The following ACVR1B variants were observed in gnomAD, a reference collection of about 807,000 sequenced individuals.
ACVR1B encodes activin A receptor type 1B.
ACVR1B carries 15 observed loss-of-function variants against 55.6 expected under a neutral mutation model. The ratio of observed to expected loss-of-function variants is 0.27; its 90% CI spans 0.18 to 0.42. ACVR1B has a LOEUF of 0.42. Ranked by LOEUF, ACVR1B falls within the 10% of genes least tolerant of loss-of-function variation. The pLI is 1.00. For missense variants in ACVR1B, 359 were observed against 670.1 expected, an observed-to-expected ratio of 0.54 and a Z score of 5.13; for synonymous variants, 247 against 254.6, an observed-to-expected ratio of 0.97 and a Z score of 0.28.
At chr12:51,964,467 T>A (rs1389439464) in intron 1 of ACVR1B, among the ~76,000 whole-genome samples, 1 of 152,256 alleles carries the variant, frequency 6.6e-6, no homozygotes, top group East Asian at 1.9e-4. Context: ...TTTTTAATTT[T>A]GATGAAGTCC....
chr12:51,975,612 C>G, intron 2 of ACVR1B, 108 bp downstream of exon 2: 1 of 1,409,046 alleles, frequency 7.1e-7, no homozygotes, highest in Non-Finnish European at 9.5e-7. Context: ...GATAAAGATG[C>G]CTTTTGGATG....
At chr12:51,977,931 T>C (rs1941899588) in intron 3 of ACVR1B, among the ~76,000 whole-genome samples, 1 of 152,024 alleles carries the variant, frequency 6.6e-6, no homozygotes, top group Non-Finnish European at 1.5e-5. Context: ...CAGAGGATCT[T>C]ATTTGTGAGA....
At chr12:51,962,261 T>C (rs1004063293) in intron 1 of ACVR1B, among the ~76,000 whole-genome samples, 2 of 152,344 alleles carry the variant, frequency 1.3e-5, no homozygotes, top group South Asian at 2.1e-4. Flanking sequence ...AAGTGTCTTA[T>C]TGTTAAATCT....
At chr12:51,991,781 C>T in intron 7 of ACVR1B, 82 bp from the exon 8 acceptor site, 1 of 1,457,524 alleles carries the variant, frequency 6.9e-7, no homozygotes, top group Non-Finnish European at 9.4e-7. Context: ...ATTTACAGAG[C>T]ACAGTGTAGG....
chr12:51,963,619 C>A (rs902526647), intron 1 of ACVR1B, among the ~76,000 whole-genome samples: 2 of 152,156 alleles, frequency 1.3e-5, no homozygotes, highest in Non-Finnish European at 2.9e-5. Context: ...TATTATAGCA[C>A]GTATCAATAG....
In ACVR1B at chr12:51,991,391, G is replaced by T. The variant is rs542258546; in HGVS notation, c.1262-472G>T. 7.2e-5 allele frequency among the ~76,000 whole-genome samples: 11 copies of T among 152,102 alleles called. No individual in the cohort carries two copies. The South Asian group carries it at 2.3e-3, about 32-fold the overall frequency. On this transcript the variant is annotated intron_variant, in intron 7 of 8. Coordinates refer to ENST00000257963, the MANE Select transcript of ACVR1B (RefSeq NM_004302.5). ...AAAAAATGTTCCTGGCTACTCTTTT[G>T]TATTTCTTTTTGTTTAGTTGTTTTG... is the stretch of plus-strand genomic sequence containing the variant.
chr12:51,980,879 A>T, intron 3 of ACVR1B, 90 bp from the exon 4 acceptor site: 2 of 1,039,838 alleles, frequency 1.9e-6, no homozygotes, highest in Non-Finnish European at 2.8e-6. Context: ...ACACCATGTT[A>T]AGGGTGTTTC....
chr12:51,951,875 G>A (rs753338862), intron 1 of ACVR1B, 41 bp downstream of exon 1: 207 of 1,191,744 alleles, frequency 1.7e-4, no homozygotes, highest in Non-Finnish European at 2.2e-4. Context: ...GATGGAGAGG[G>A]CCCGGCAAGG....
intron 1 of ACVR1B, among the ~76,000 whole-genome samples, chr12:51,964,175 C>T (rs1941594744): frequency 6.6e-6 from 1 of 152,118 alleles, no homozygotes; most frequent in Non-Finnish European, 1.5e-5. Flanking sequence ...GGTTCTTGCT[C>T]TGTCACCCAG....
chr12:51,953,632 G>A, intron 1 of ACVR1B: 1 of 692,296 alleles, frequency 1.4e-6, no homozygotes, highest in Non-Finnish European at 1.8e-6. Flanking sequence ...CTCTAGGTTT[G>A]TCATTTTATG....
In ACVR1B at chr12:51,995,605, T is replaced by A. The variant is rs1450271110; in HGVS notation, c.*1495T>A. ...GGAGGGTTTGGATTTTAACTTTTTT[T>A]AATGTTGTTAAATATTAAGTTTTTG... is the stretch of plus-strand genomic sequence containing the variant. On this transcript the variant is annotated 3_prime_UTR_variant, in exon 9 of 9. Coordinates refer to ENST00000257963, the MANE Select transcript of ACVR1B (RefSeq NM_004302.5). The A allele has an allele frequency of 1.3e-5, 2 of 152,566 alleles. No homozygotes were observed. The highest frequency in any genetic ancestry group is 2.9e-5 in the Non-Finnish European group (2 of 68,042). 9.5% of individuals were successfully genotyped at this position (152,566 alleles called of 1,614,324 possible).
intron 7 of ACVR1B, among the ~76,000 whole-genome samples, chr12:51,988,468 A>G (rs1239505545): frequency 6.6e-6 from 1 of 152,204 alleles, no homozygotes; most frequent in Non-Finnish European, 1.5e-5. Flanking sequence ...CTCCATCTCA[A>G]AGAAAAAACA....
chr12:51,987,276 A>G lies in ACVR1B; in HGVS notation c.1261+334A>G, dbSNP rs1222432639. ...GGATTCATGCAGTGGTCTCCTTCAC[A>G]TCAGAAGCAGTATATTCTAACGCGG... On this transcript the variant is annotated intron_variant, in intron 7 of 8. Coordinates refer to ENST00000257963, the MANE Select transcript of ACVR1B (RefSeq NM_004302.5). The G allele has an allele frequency of 3.4e-5, 21 of 610,174 alleles. No homozygotes were observed. The East Asian group carries it at 5.8e-4, about 17-fold the overall frequency. 37.8% of individuals were successfully genotyped at this position (610,174 alleles called of 1,614,324 possible). A position where few individuals can be genotyped will look rare whatever the true frequency, so the allele number is the denominator to read the frequency against.
At chr12:51,978,946 A>C (rs1270883592) in intron 3 of ACVR1B, among the ~76,000 whole-genome samples, 1 of 151,820 alleles carries the variant, frequency 6.6e-6, no homozygotes, top group East Asian at 1.9e-4. Context: ...GGCAGATCAC[A>C]TGAGGTCAAA....
chr12:51,986,316 T>C (rs1942075120), intron 6 of ACVR1B, among the ~76,000 whole-genome samples: 1 of 152,248 alleles, frequency 6.6e-6, no homozygotes, highest in African/African-American at 2.4e-5. Flanking sequence ...TGGAGTGCAA[T>C]GGCACAGTCA....
intron 4 of ACVR1B, among the ~76,000 whole-genome samples, chr12:51,981,521 G>A (rs1407824531): frequency 6.6e-6 from 1 of 152,028 alleles, no homozygotes; most frequent in African/African-American, 2.4e-5. Flanking sequence ...AGGGGGTCCC[G>A]TAAGCTTATT....
chr12:51,993,956 G>A (rs757967670), intron 8 of ACVR1B, 29 bp from the exon 9 acceptor site: 57 of 1,612,468 alleles, frequency 3.5e-5, no homozygotes, highest in Non-Finnish European at 4.5e-5. Context: ...GGGCATGACC[G>A]AGCTGATGGC....
rs112724539 is a variant in ACVR1B at position 51,952,805 on chromosome 12, C to T, written c.91+971C>T. ...TTATTTACCTTCCTACACGATGCCT[C>T]TTCCCAGCCCGCCCACCCTCACACA... is the stretch of plus-strand genomic sequence containing the variant. On this transcript the variant is annotated intron_variant, in intron 1 of 8. Transcript: ENST00000257963. Among the ~76,000 whole-genome samples, 454 of 150,632 alleles carry T rather than the reference C, an allele frequency of 3.0e-3. 4 individuals carry two copies. Among genetic ancestry groups the T allele is most frequent in the African/African-American group, 0.01 (418 of 40,774 alleles).
At chr12:51,967,881 A>G (rs750361618) in intron 1 of ACVR1B, among the ~76,000 whole-genome samples, 5 of 152,226 alleles carry the variant, frequency 3.3e-5, no homozygotes, top group African/African-American at 9.6e-5. Context: ...GTTAATCACT[A>G]TGTAATTATA....
Sources: gnomAD v4.1 joint callset for allele counts (sites outside exome capture counted in the v4.1 genomes callset) on GRCh38, gnomAD v4.1.1 for gene constraint, MANE v1.5 for transcripts, NCBI Gene and HGNC (gene_info 2026-07-23, HGNC 2026-07-21) for gene names.